The following FOXN3 variants were observed in gnomAD, a reference collection of about 807,000 sequenced individuals.
The protein encoded by FOXN3 is forkhead box N3, also known as forkhead box protein N3.
A neutral mutation model predicts 38.4 loss-of-function variants in FOXN3; 7 were observed. The observed-to-expected ratio is 0.18, with a 90% CI of 0.10 to 0.34. The LOEUF is 0.34. Ranked by LOEUF, FOXN3 falls within the 10% of genes least tolerant of loss-of-function variation. The pLI is 1.00. For synonymous variants in FOXN3, 230 were observed against 242.2 expected, an observed-to-expected ratio of 0.95 and a Z score of 0.47; for missense variants, 456 against 613.4, an observed-to-expected ratio of 0.74 and a Z score of 2.71.
intron 1 of FOXN3, among the ~76,000 whole-genome samples, chr14:89,606,795 C>T (rs1468549050): frequency 2.0e-5 from 3 of 151,912 alleles, no homozygotes; most frequent in South Asian, 4.1e-4. Flanking sequence ...TTGCAGTGAG[C>T]GGAGATTGCA....
At chr14:89,521,475 C>T (rs1894317453) in intron 1 of FOXN3, among the ~76,000 whole-genome samples, 1 of 151,714 alleles carries the variant, frequency 6.6e-6, no homozygotes, top group Admixed American at 6.6e-5. Context: ...GAAATAAAGA[C>T]TGGAAAAAAT....
intron 1 of FOXN3, among the ~76,000 whole-genome samples, chr14:89,581,112 G>T (rs1055959019): frequency 6.6e-5 from 10 of 152,140 alleles, no homozygotes; most frequent in African/African-American, 2.4e-4. Context: ...AGCCTGGAAG[G>T]TCGAGGCCAC....
intron 3 of FOXN3, among the ~76,000 whole-genome samples, chr14:89,313,782 C>T (rs972432209): frequency 6.6e-6 from 1 of 152,154 alleles, no homozygotes; most frequent in Admixed American, 6.5e-5. Context: ...TACATACATA[C>T]AAGAGAGTAT....
intron 2 of FOXN3, chr14:89,364,517 C>A (rs1425854284): frequency 6.6e-6 from 1 of 152,454 alleles, no homozygotes; most frequent in African/African-American, 2.4e-5. Flanking sequence ...TGGCGCCCTG[C>A]AGACAGCACC....
chr14:89,199,285 G>A (rs1367083107), intron 4 of FOXN3, among the ~76,000 whole-genome samples: 2 of 152,156 alleles, frequency 1.3e-5, no homozygotes, highest in Non-Finnish European at 2.9e-5. Context: ...ACAAAGTGAC[G>A]CCAGTGAGCC....
intron 2 of FOXN3, among the ~76,000 whole-genome samples, chr14:89,392,961 C>T (rs142091673): frequency 0.023 from 3,460 of 152,182 alleles, 124 homozygotes; most frequent in African/African-American, 0.077. Context: ...CACGTACCAC[C>T]ACGCCCGGCT....
At chr14:89,576,430 C>T (rs1431990970) in intron 1 of FOXN3, 1 of 151,606 alleles carries the variant, frequency 6.6e-6, no homozygotes, top group African/African-American at 2.4e-5. Flanking sequence ...TAGACTGGGA[C>T]CTTTGAGCCC....
chr14:89,228,707 T>C (rs2139851028), intron 4 of FOXN3, among the ~76,000 whole-genome samples: 1 of 152,346 alleles, frequency 6.6e-6, no homozygotes, highest in Non-Finnish European at 1.5e-5. Flanking sequence ...AGGACATGTT[T>C]AGGAAGATGG....
chr14:89,557,914 G>A (rs1895162940), intron 1 of FOXN3, among the ~76,000 whole-genome samples: 1 of 152,136 alleles, frequency 6.6e-6, no homozygotes, highest in African/African-American at 2.4e-5. Flanking sequence ...GCTGAGGCAG[G>A]AGAATCACTT....
At chr14:89,189,999 C>A (rs1887903477) in intron 4 of FOXN3, among the ~76,000 whole-genome samples, 1 of 152,234 alleles carries the variant, frequency 6.6e-6, no homozygotes, top group Non-Finnish European at 1.5e-5. Context: ...AAAATGGGTA[C>A]TGCTCAGGTC....
chr14:89,360,767 T>TACCACCACCACTACCACCTCCAGC (rs1210016334), intron 2 of FOXN3, among the ~76,000 whole-genome samples: 1 of 17,812 alleles, frequency 5.6e-5, no homozygotes, highest in Non-Finnish European at 9.8e-5. Flanking sequence ...CCTCCACCAC[T>TACCACCACCACTACCACCTCCAGC]ACCACCTCCA....
intron 2 of FOXN3, among the ~76,000 whole-genome samples, chr14:89,375,358 ATAACCTAAC>A (rs1222843368): frequency 6.6e-6 from 1 of 152,236 alleles, no homozygotes; most frequent in Non-Finnish European, 1.5e-5. Flanking sequence ...AGTACACAAA[ATAACCTAAC>A]TAAAAAAGCA....
chr14:89,362,506 A>T (rs1232469462), intron 2 of FOXN3, among the ~76,000 whole-genome samples: 1 of 2,760 alleles, frequency 3.6e-4, no homozygotes, highest in Non-Finnish European at 8.5e-4. Context: ...CATCTCCACC[A>T]CCACCACCAC....
At chr14:89,445,615 T>G (rs919771946) in intron 1 of FOXN3, among the ~76,000 whole-genome samples, 3 of 152,140 alleles carry the variant, frequency 2.0e-5, no homozygotes, top group Admixed American at 6.5e-5. Context: ...CTGTCCTGCC[T>G]CCTGGGGAAA....
At chr14:89,411,895 A>C in intron 2 of FOXN3, 39 bp downstream of exon 2, 1 of 1,293,100 alleles carries the variant, frequency 7.7e-7, no homozygotes, top group African/African-American at 1.5e-5. Context: ...AATTAAAAAA[A>C]AAAAAAGAAA....
At chr14:89,462,586 G>A (rs995952750) in intron 1 of FOXN3, among the ~76,000 whole-genome samples, 1 of 152,132 alleles carries the variant, frequency 6.6e-6, no homozygotes, top group South Asian at 2.1e-4. Flanking sequence ...TTCCTGATGG[G>A]GACTCTGTCT....
chr14:89,471,397 C>T (rs1052638178), intron 1 of FOXN3, among the ~76,000 whole-genome samples: 1 of 151,944 alleles, frequency 6.6e-6, no homozygotes, highest in Non-Finnish European at 1.5e-5. Context: ...AGCCCAGGAG[C>T]TCAAGACTAG....
chr14:89,446,177 CTTT>C (rs1179196246), intron 1 of FOXN3, among the ~76,000 whole-genome samples: 6 of 57,026 alleles, frequency 1.1e-4, no homozygotes, highest in Admixed American at 7.5e-4. Flanking sequence ...TCCTAAAAGT[CTTT>C]TTTTTTTTTT....
intron 3 of FOXN3, chr14:89,291,584 A>C: frequency 1.9e-6 from 1 of 533,978 alleles, no homozygotes; most frequent in East Asian, 4.9e-5. Context: ...CAGTCCCTAC[A>C]TGTCTGCCAT....
Sources: allele counts gnomAD v4.1 joint callset (sites outside exome capture counted in the v4.1 genomes callset), GRCh38; gene constraint gnomAD v4.1.1; transcripts MANE v1.5; gene names NCBI Gene and HGNC (gene_info 2026-07-23, HGNC 2026-07-21).